Variants in DOCK3 observed in about 807,000 individuals in gnomAD.
DOCK3 encodes dedicator of cytokinesis 3, also known as dedicator of cytokinesis protein 3.
DOCK3 carries 60 observed loss-of-function variants against 265.6 expected under a neutral mutation model. The ratio of observed to expected loss-of-function variants is 0.23; its 90% confidence interval spans 0.18 to 0.28. The LOEUF (loss-of-function observed/expected upper bound fraction) is 0.28, where lower values mean the gene tolerates loss of function less well. DOCK3 is among the 10% of genes least tolerant of loss of function. The pLI, the probability that DOCK3 is intolerant of heterozygous loss-of-function variation, is 1.00. For missense variants in DOCK3, 1,981 were observed against 2,594.3 expected, an observed-to-expected ratio of 0.76 and a Z score of 5.14; for synonymous variants, 881 against 938.0, an observed-to-expected ratio of 0.94 and a Z score of 1.11.
chr3:51,108,723 G>A (rs144694502), intron 9 of DOCK3, among the ~76,000 whole-genome samples: 1 of 152,140 alleles, frequency 6.6e-6, no homozygotes, highest in Non-Finnish European at 1.5e-5. Flanking sequence ...ACAGAAAAAA[G>A]CAGGGATTGC....
chr3:51,311,764 A>G (rs1226981839), intron 28 of DOCK3, among the ~76,000 whole-genome samples: 1 of 152,258 alleles, frequency 6.6e-6, no homozygotes, highest in Admixed American at 6.5e-5. Context: ...AACTAGGTCT[A>G]GAACCCACTG....
Position 51,180,111 on chromosome 3 carries a change from G to A in DOCK3, c.1037+19409G>A, listed in dbSNP as rs190799597. ...TTATCCCAGCTACTCACAAGGCTGA[G>A]GCAGGAGAATCGCTTGAACTCAGGA... On this transcript the variant is annotated intron_variant, in intron 12 of 52. Transcript: ENST00000266037. Among the ~76,000 whole-genome samples, 70 of 151,656 alleles carry A rather than the reference G, an allele frequency of 4.6e-4. 1 individual carries two copies. The highest frequency in any genetic ancestry group is 1.6e-3 in the African/African-American group (64 of 41,278).
intron 21 of DOCK3, among the ~76,000 whole-genome samples, chr3:51,245,526 G>T (rs1008318350): frequency 6.6e-6 from 1 of 151,706 alleles, no homozygotes; most frequent in Non-Finnish European, 1.5e-5. Context: ...AAGTAGCCGG[G>T]ATTATAGGCG....
chr3:50,968,179 T>C (rs1486340045), intron 5 of DOCK3, among the ~76,000 whole-genome samples: 7 of 152,216 alleles, frequency 4.6e-5, no homozygotes, highest in Admixed American at 4.6e-4. Flanking sequence ...TTTACTTTCA[T>C]TTTTCTTTTG....
intron 1 of DOCK3, among the ~76,000 whole-genome samples, chr3:50,745,599 C>T (rs1016253113): frequency 6.6e-6 from 1 of 152,170 alleles, no homozygotes. Context: ...AGGGTTCCTT[C>T]AGACCGAACA....
At chr3:51,320,795 G>T (rs544177923) in intron 32 of DOCK3, among the ~76,000 whole-genome samples, 1 of 152,126 alleles carries the variant, frequency 6.6e-6, no homozygotes, top group Non-Finnish European at 1.5e-5. Context: ...CTCTGGGCAG[G>T]GCATCTCTGA....
intron 7 of DOCK3, among the ~76,000 whole-genome samples, chr3:51,079,027 G>T (rs1485915486): frequency 6.6e-6 from 1 of 152,142 alleles, no homozygotes; most frequent in Non-Finnish European, 1.5e-5. Flanking sequence ...AAATTGCACA[G>T]TAAATGTTTT....
intron 3 of DOCK3, among the ~76,000 whole-genome samples, chr3:50,870,293 C>T (rs2047372507): frequency 6.6e-6 from 1 of 152,086 alleles, no homozygotes; most frequent in Non-Finnish European, 1.5e-5. Context: ...TTTGTGTTCT[C>T]CAGTGTTGGT....
chr3:51,059,372 A>G (rs2081321400), intron 5 of DOCK3, among the ~76,000 whole-genome samples: 1 of 151,928 alleles, frequency 6.6e-6, no homozygotes, highest in Non-Finnish European at 1.5e-5. Context: ...AAATGCAGAC[A>G]TTTGGACCAT....
At chr3:51,209,918 C>T (rs2089415253) in intron 13 of DOCK3, among the ~76,000 whole-genome samples, 2 of 152,346 alleles carry the variant, frequency 1.3e-5, no homozygotes, top group African/African-American at 4.8e-5. Flanking sequence ...TTCCCTTATA[C>T]ATGTGCCTGG....
chr3:50,686,839 G>T (rs911020493), intron 1 of DOCK3, among the ~76,000 whole-genome samples: 1 of 150,634 alleles, frequency 6.6e-6, no homozygotes, highest in African/African-American at 2.5e-5. Flanking sequence ...AACCTGGGAG[G>T]TGGAGGTTGC....
At chr3:50,978,802 G>T (rs967095559) in intron 5 of DOCK3, among the ~76,000 whole-genome samples, 6 of 152,194 alleles carry the variant, frequency 3.9e-5, no homozygotes, top group Admixed American at 3.9e-4. Context: ...GTGAGTCTCC[G>T]TGGGCGTAGG....
chr3:51,336,474 C>T (rs1245867594), intron 35 of DOCK3, among the ~76,000 whole-genome samples: 4 of 152,056 alleles, frequency 2.6e-5, no homozygotes, highest in Non-Finnish European at 5.9e-5. Flanking sequence ...TCTCAGGTTG[C>T]AATGAGGGCT....
intron 5 of DOCK3, among the ~76,000 whole-genome samples, chr3:51,009,194 A>T (rs1159814492): frequency 6.6e-6 from 1 of 152,124 alleles, no homozygotes; most frequent in Non-Finnish European, 1.5e-5. Flanking sequence ...AAGGAATGGT[A>T]CCCACTCGTC....
chr3:50,711,791 A>ATCTGGGCTGTGCTTT (rs1197862155), intron 1 of DOCK3, among the ~76,000 whole-genome samples: 4 of 152,294 alleles, frequency 2.6e-5, no homozygotes, highest in South Asian at 4.1e-4. Context: ...CAGAGAAGCC[A>ATCTGGGCTGTGCTTT]TCTGGGCTGT....
At chr3:50,710,086 ACT>A (rs2036657832) in intron 1 of DOCK3, among the ~76,000 whole-genome samples, 1 of 152,004 alleles carries the variant, frequency 6.6e-6, no homozygotes, top group Admixed American at 6.6e-5. Context: ...TATCAGAAAA[ACT>A]CTTCTAAACA....
At chr3:50,779,317 T>C (rs2041788823) in intron 2 of DOCK3, among the ~76,000 whole-genome samples, 1 of 152,190 alleles carries the variant, frequency 6.6e-6, no homozygotes, top group Admixed American at 6.5e-5. Context: ...TTTGTATGTT[T>C]CCGTCTGATT....
In DOCK3 at chr3:51,323,341, C is replaced by T. The variant is rs145146365; in HGVS notation, c.3403-6797C>T. On this transcript the variant is annotated intron_variant, in intron 32 of 52. Transcript: ENST00000266037. ...GGATATCCAGGACTTGAACTCAGCT[C>T]GGAACCAAGTGGACCTAGTAGACAT... 4.3e-3 allele frequency among the ~76,000 whole-genome samples: 652 copies of T among 152,254 alleles called. 4 individuals are homozygous for T. The highest frequency in any genetic ancestry group is 7.1e-3 in the Non-Finnish European group (485 of 68,024).
intron 3 of DOCK3, among the ~76,000 whole-genome samples, chr3:50,854,592 G>GGTTTTTTTTTTTTTT (rs2046495696): frequency 4.2e-5 from 2 of 47,214 alleles, no homozygotes; most frequent in African/African-American, 8.5e-5. Context: ...CATCACACCA[G>GGTTTTTTTTTTTTTT]TTTTTTTTTT....
Sources: gnomAD v4.1 joint callset for allele counts (sites outside exome capture counted in the v4.1 genomes callset) on GRCh38, gnomAD v4.1.1 for gene constraint, MANE v1.5 for transcripts, NCBI Gene and HGNC (gene_info 2026-07-23, HGNC 2026-07-21) for gene names.